The following TNNI3K variants were observed in gnomAD, a reference collection of about 807,000 sequenced individuals.
TNNI3K encodes serine/threonine-protein kinase TNNI3K.
TNNI3K carries 140 observed loss-of-function variants against 114.5 expected under a neutral mutation model. The ratio of observed to expected loss-of-function variants is 1.22; its 90% CI spans 1.07 to 1.41. The LOEUF (loss-of-function observed/expected upper bound fraction) is 1.41, where lower values mean the gene tolerates loss of function less well. Ranked by LOEUF, TNNI3K falls within the 40% of genes most tolerant of loss-of-function variation. TNNI3K has a pLI of 0.00. For missense variants in TNNI3K, 1,125 were observed against 1,007.6 expected (o/e 1.12, Z -1.58); for synonymous variants, 347 against 347.5 (o/e 1.00, Z 0.02).
chr1:74,332,667 C>A (rs974547683), intron 6 of TNNI3K, among the ~76,000 whole-genome samples: 2 of 151,974 alleles, frequency 1.3e-5, no homozygotes, highest in African/African-American at 4.8e-5. Flanking sequence ...CAGAGTCATG[C>A]GCTATTAATA....
chr1:74,495,755 G>A (rs1433349143), intron 23 of TNNI3K, among the ~76,000 whole-genome samples: 2 of 152,088 alleles, frequency 1.3e-5, no homozygotes, highest in Admixed American at 6.6e-5. Flanking sequence ...AGTTTCTCTG[G>A]CATAGGAGAT....
At chr1:74,430,857 A>C (rs1207030519) in intron 17 of TNNI3K, among the ~76,000 whole-genome samples, 2 of 152,152 alleles carry the variant, frequency 1.3e-5, no homozygotes, top group African/African-American at 4.8e-5. Flanking sequence ...GTTTTGGAGA[A>C]ATAGACAATA....
intron 24 of TNNI3K, 97 bp from the exon 25 acceptor site, chr1:74,543,809 T>G: frequency 4.4e-6 from 6 of 1,362,238 alleles, no homozygotes; most frequent in Non-Finnish European, 6.2e-6. Context: ...TCTGTTCACA[T>G]GATCTGGAAG....
At chr1:74,367,868 G>T in intron 12 of TNNI3K, 40 bp from the exon 13 acceptor site, 1 of 1,531,374 alleles carries the variant, frequency 6.5e-7, no homozygotes, top group Non-Finnish European at 8.8e-7. Flanking sequence ...AGAAAAAAAT[G>T]ATCGCTACTT....
chr1:74,388,639 A>G (rs1663610341), intron 17 of TNNI3K, among the ~76,000 whole-genome samples: 2 of 152,224 alleles, frequency 1.3e-5, no homozygotes, highest in Non-Finnish European at 2.9e-5. Context: ...AATTGACATG[A>G]TCCTACTTTT....
At chr1:74,355,262 G>A (rs1322521005) in intron 11 of TNNI3K, among the ~76,000 whole-genome samples, 1 of 152,046 alleles carries the variant, frequency 6.6e-6, no homozygotes, top group Non-Finnish European at 1.5e-5. Flanking sequence ...CAATTATTAA[G>A]CTATAAGATT....
At chr1:74,357,617 C>T (rs1175548475) in intron 11 of TNNI3K, among the ~76,000 whole-genome samples, 1 of 152,134 alleles carries the variant, frequency 6.6e-6, no homozygotes, top group African/African-American at 2.4e-5. Flanking sequence ...TTTCTATTTG[C>T]ATAGCCCTTC....
chr1:74,465,193 C>T (rs1311807641), intron 21 of TNNI3K, among the ~76,000 whole-genome samples: 1 of 152,194 alleles, frequency 6.6e-6, no homozygotes, highest in African/African-American at 2.4e-5. Context: ...ATGAGGAACT[C>T]TTCAGCCCCC....
chr1:74,284,775 A>C (rs549521), intron 5 of TNNI3K, among the ~76,000 whole-genome samples: 151,933 of 152,334 alleles, frequency 1, 75,768 homozygotes, highest in Middle Eastern at 1. Flanking sequence ...TGACCTTGAG[A>C]AGTAGGATAT....
chr1:74,462,283 T>G (rs1437704237), intron 20 of TNNI3K, among the ~76,000 whole-genome samples: 2 of 152,178 alleles, frequency 1.3e-5, no homozygotes, highest in Non-Finnish European at 2.9e-5. Context: ...TGGGAGTAAA[T>G]TTTGGTAGAG....
At chr1:74,508,429 A>G (rs964313576) in intron 23 of TNNI3K, among the ~76,000 whole-genome samples, 2 of 152,208 alleles carry the variant, frequency 1.3e-5, no homozygotes, top group Non-Finnish European at 2.9e-5. Context: ...TTCACAGATG[A>G]GAAAAAATAA....
At chr1:74,487,553 T>A (rs1054330259) in intron 21 of TNNI3K, among the ~76,000 whole-genome samples, 2 of 151,992 alleles carry the variant, frequency 1.3e-5, no homozygotes, top group African/African-American at 2.4e-5. Flanking sequence ...AAATGCAAGA[T>A]GAAGCAAGGG....
At chr1:74,491,991 TA>T (rs1318346103) in intron 22 of TNNI3K, 105 bp from the exon 23 acceptor site, 47 of 1,364,690 alleles carry the variant, frequency 3.4e-5, no homozygotes, top group Non-Finnish European at 3.4e-5. Context: ...GAATAGAAAT[TA>T]AAATATGGGA....
intron 4 of TNNI3K, among the ~76,000 whole-genome samples, chr1:74,255,317 G>A (rs944247501): frequency 1.6e-4 from 23 of 141,738 alleles, no homozygotes; most frequent in Admixed American, 1.0e-3. Context: ...TCCCGCCACT[G>A]CACTCCAGCC....
At chr1:74,449,741 C>G (rs1419165479) in intron 20 of TNNI3K, among the ~76,000 whole-genome samples, 1 of 151,242 alleles carries the variant, frequency 6.6e-6, no homozygotes, top group Non-Finnish European at 1.5e-5. Flanking sequence ...ACAGGAGCAC[C>G]CAAATTCATA....
At position 74,345,092 on chromosome 1, in the gene TNNI3K, CAT is replaced by C. The variant is rs1319703174; in HGVS notation, c.932+1918_932+1919del. Among the ~76,000 whole-genome samples the C allele has an allele frequency of 1.1e-4, 16 of 151,948 alleles. No homozygotes were observed. The East Asian group carries it at 1.9e-3, about 18-fold the overall frequency. ...GTGTGTACACATGCACATATATACACATATATGTGCATATATTCAGAACTCAT... is the reference window on the plus strand; with the variant it reads ...GTGTGTACACATGCACATATATACACATATGTGCATATATTCAGAACTCAT... On this transcript the variant is annotated intron_variant, in intron 9 of 24. Transcript: ENST00000326637.
At chr1:74,337,439 G>A (rs964767448) in intron 7 of TNNI3K, among the ~76,000 whole-genome samples, 3 of 151,966 alleles carry the variant, frequency 2.0e-5, no homozygotes, top group Admixed American at 2.0e-4. Flanking sequence ...CCTATGTCCT[G>A]AATGGTAATG....
At chr1:74,365,145 GCATATTACATACAT>G (rs1446074896) in intron 11 of TNNI3K, among the ~76,000 whole-genome samples, 1 of 152,020 alleles carries the variant, frequency 6.6e-6, no homozygotes, top group Non-Finnish European at 1.5e-5. Context: ...GAACTGTAAG[GCATATTACATACAT>G]CATCTTAGTT....
intron 4 of TNNI3K, among the ~76,000 whole-genome samples, chr1:74,257,342 T>C (rs879624206): frequency 4.6e-5 from 7 of 152,228 alleles, no homozygotes; most frequent in Non-Finnish European, 8.8e-5. Flanking sequence ...CTACTTTAAA[T>C]GTCCAATCTG....
Sources: gnomAD v4.1 joint callset for allele counts (sites outside exome capture counted in the v4.1 genomes callset) on GRCh38, gnomAD v4.1.1 for gene constraint, MANE v1.5 for transcripts, NCBI Gene and HGNC (gene_info 2026-07-23, HGNC 2026-07-21) for gene names.